Variants in ECRG4 observed in about 807,000 individuals in gnomAD.
ECRG4 encodes the protein augurin.
Under a neutral mutation model 15.8 loss-of-function variants are expected in ECRG4, and 18 were observed. The ratio of observed to expected loss-of-function variants is 1.14; its 90% CI spans 0.79 to 1.69. The LOEUF is 1.69. ECRG4 is among the 40% of genes most tolerant of loss of function. ECRG4 has a pLI of 0.00. For synonymous variants in ECRG4, 82 were observed against 73.9 expected, an observed-to-expected ratio of 1.11 and a Z score of -0.56; for missense variants, 200 against 190.9, an observed-to-expected ratio of 1.05 and a Z score of -0.28.
At chr2:106,077,725 C>T (rs1676514381) in intron 3 of ECRG4, 40 bp from the exon 4 acceptor site, 2 of 1,599,358 alleles carry the variant, frequency 1.3e-6, no homozygotes, top group Admixed American at 1.7e-5. Context: ...ACTGCATGAC[C>T]TTAAATCCAT....
chr2:106,066,060 G>C (rs1042286390), intron 1 of ECRG4, among the ~76,000 whole-genome samples: 4 of 152,204 alleles, frequency 2.6e-5, no homozygotes, highest in Non-Finnish European at 5.9e-5. Flanking sequence ...AGAGAGTACC[G>C]GGGTCAAGGG....
chr2:106,067,528 G>A (rs1370448838), intron 1 of ECRG4, among the ~76,000 whole-genome samples: 1 of 150,754 alleles, frequency 6.6e-6, no homozygotes, highest in East Asian at 2.0e-4. Context: ...GGAGTGTAAT[G>A]GCGTGACCTT....
At chr2:106,069,321 C>T (rs1476516781) in intron 1 of ECRG4, among the ~76,000 whole-genome samples, 4 of 128,648 alleles carry the variant, frequency 3.1e-5, no homozygotes, top group African/African-American at 1.2e-4. Flanking sequence ...TTCTTTCTTT[C>T]TCTCTCTCTT....
Position 106,077,759 on chromosome 2 carries a change from C to T in ECRG4, c.286-6C>T. The stretch of plus-strand genomic sequence containing the variant: ...ATTCTCTATCATTCTCTCTCTTTTC[C>T]TCCAGAAATTTGAAGATGACATCAC... On this transcript the variant is annotated splice_region_variant and splice_polypyrimidine_tract_variant and intron_variant, in intron 3 of 3. Coordinates refer to ENST00000238044, the MANE Select transcript of ECRG4 (RefSeq NM_032411.3). 1 of 1,613,326 alleles carries T rather than the reference C, an allele frequency of 6.2e-7. No individual in the cohort carries two copies. The highest frequency in any genetic ancestry group is 8.5e-7 in the Non-Finnish European group (1 of 1,179,492).
At chr2:106,066,756 C>T (rs1252618220) in intron 1 of ECRG4, among the ~76,000 whole-genome samples, 1 of 152,156 alleles carries the variant, frequency 6.6e-6, no homozygotes, top group Non-Finnish European at 1.5e-5. Context: ...CTCGGTTGCT[C>T]AGTTTCTGTA....
Position 106,077,383 on chromosome 2 carries a change from G to T in ECRG4, c.286-382G>T, listed in dbSNP as rs183510273. On this transcript the variant is annotated intron_variant, in intron 3 of 3. Coordinates refer to ENST00000238044, the MANE Select transcript of ECRG4 (RefSeq NM_032411.3). ...AGTATAAAGGGCCAGGCACAGGAAT[G>T]GGGTAGGAAGATAAGACAGTGTTTG... Among the ~76,000 whole-genome samples the T allele has an allele frequency of 1.3e-3, 196 of 152,312 alleles. No homozygotes were observed. In the Middle Eastern group the frequency reaches 0.037, roughly 29 times the overall value.
chr2:106,071,144 A>G (rs1475410014), intron 1 of ECRG4: 4 of 395,936 alleles, frequency 1.0e-5, no homozygotes, highest in African/African-American at 8.3e-5. Context: ...TTTAGAGAGC[A>G]AAGGCAAGTT....
intron 3 of ECRG4, among the ~76,000 whole-genome samples, chr2:106,076,802 G>A (rs1373399182): frequency 6.6e-6 from 1 of 152,108 alleles, no homozygotes; most frequent in African/African-American, 2.4e-5. Context: ...GAGAAAAACT[G>A]GCCCTGCACC....
At chr2:106,071,705 T>C (rs2104795126) in intron 1 of ECRG4, 139 bp from the exon 2 acceptor site, 1 of 627,300 alleles carries the variant, frequency 1.6e-6, no homozygotes, top group Non-Finnish European at 2.9e-6. Context: ...ATACAGCAAG[T>C]GTTAAATACT....
At chr2:106,071,931 T>C (rs779717750) in intron 2 of ECRG4, 40 bp downstream of exon 2, 2 of 1,540,124 alleles carry the variant, frequency 1.3e-6, no homozygotes, top group South Asian at 2.2e-5. Context: ...CATTCTTAAC[T>C]GGATGGAAAT....
Position 106,078,137 on chromosome 2 carries a change from C to A in ECRG4, c.*211C>A, listed in dbSNP as rs1004121177. On this transcript the variant is annotated 3_prime_UTR_variant, in exon 4 of 4. Coordinates refer to ENST00000238044, the MANE Select transcript of ECRG4 (RefSeq NM_032411.3). ...CTCTCATTTAAAAATAGAAATAAAG[C>A]ATTTTGTTAAAAAGAAAAGTCTTAG... 2 of 427,846 alleles carry A rather than the reference C, an allele frequency of 4.7e-6. No individual in the cohort carries two copies. Among genetic ancestry groups the A allele is most frequent in the African/African-American group, 2.0e-5 (1 of 49,210 alleles). The allele number at this position is 427,846 out of a possible 1,614,324, so 26.5% of individuals were successfully genotyped here. A position where few individuals can be genotyped will look rare whatever the true frequency, so the allele number is the denominator to read the frequency against.
chr2:106,071,300 C>T (rs1353195627), intron 1 of ECRG4, among the ~76,000 whole-genome samples: 1 of 113,910 alleles, frequency 8.8e-6, no homozygotes, highest in Non-Finnish European at 1.6e-5. Flanking sequence ...TCTTGAGACC[C>T]TCTCAGTGAT....
rs1172670839 is a variant in ECRG4 at position 106,075,685 on chromosome 2, G to A, written c.285+1642G>A. 3.3e-5 allele frequency among the ~76,000 whole-genome samples: 5 copies of A among 151,986 alleles called. No homozygotes were observed. The East Asian group carries it at 7.8e-4, about 24-fold the overall frequency. On this transcript the variant is annotated intron_variant, in intron 3 of 3. Coordinates refer to ENST00000238044, the MANE Select transcript of ECRG4 (RefSeq NM_032411.3). ...TGCTGTGAGCTGAGATCGCACCACT[G>A]CACTCCAGCCTGGGCAACAGAATGA...
intron 3 of ECRG4, among the ~76,000 whole-genome samples, chr2:106,076,611 C>T (rs1485706916): frequency 6.6e-6 from 1 of 152,162 alleles, no homozygotes; most frequent in Non-Finnish European, 1.5e-5. Flanking sequence ...ACGGGCTAGG[C>T]TGGGGATTCC....
At chr2:106,065,639 G>A (rs1369197211), upstream of ECRG4, 18 of 661,012 alleles carry the variant, frequency 2.7e-5, no homozygotes, top group Non-Finnish European at 3.4e-5. Context: ...GCTGGGTCCC[G>A]CCCCGGCAGC....
chr2:106,078,020 T>C lies in ECRG4; in HGVS notation c.*94T>C. On this transcript the variant is annotated 3_prime_UTR_variant, in exon 4 of 4. Coordinates refer to ENST00000238044, the MANE Select transcript of ECRG4 (RefSeq NM_032411.3). ...ACTACTTGGTTTCTGATTTGCTCTA[T>C]TTCAGCAGATCTTTTCTACCTACTT... 2 of 1,209,138 alleles carry C rather than the reference T, an allele frequency of 1.7e-6. No homozygotes were observed. Among genetic ancestry groups the C allele is most frequent in the South Asian group, 3.7e-5 (2 of 54,310 alleles). The allele number at this position is 1,209,138 out of a possible 1,614,324, so 74.9% of individuals were successfully genotyped here.
At chr2:106,063,366 C>T (rs1676141753), upstream of ECRG4, 1 of 152,202 alleles carries the variant, frequency 6.6e-6, no homozygotes, top group African/African-American at 2.4e-5. Flanking sequence ...TGCTTATAAG[C>T]TACCCAGCTT....
At chr2:106,067,946 C>T (rs1003428101) in intron 1 of ECRG4, among the ~76,000 whole-genome samples, 47 of 150,208 alleles carry the variant, frequency 3.1e-4, no homozygotes, top group Non-Finnish European at 8.9e-5. Flanking sequence ...GCAATCCTCC[C>T]ACCTCAGCCT....
intron 1 of ECRG4, chr2:106,070,818 A>T (rs1676347538): frequency 2.4e-6 from 1 of 424,358 alleles, no homozygotes; most frequent in African/African-American, 2.1e-5. Flanking sequence ...ATGGAAGGAG[A>T]GGCTAAGAAC....
Sources: allele counts gnomAD v4.1 joint callset (sites outside exome capture counted in the v4.1 genomes callset), GRCh38; gene constraint gnomAD v4.1.1; transcripts MANE v1.5; gene names NCBI Gene and HGNC (gene_info 2026-07-23, HGNC 2026-07-21).